The following MDM2 variants were observed in gnomAD, a reference collection of about 807,000 sequenced individuals.
MDM2 encodes the protein MDM2 proto-oncogene.
MDM2 carries 11 observed loss-of-function variants against 64.3 expected under a neutral mutation model. That is an observed-to-expected ratio of 0.17 (90% CI 0.11 to 0.28). The LOEUF is 0.28. MDM2 is among the 10% of genes least tolerant of loss of function. The probability of loss-of-function intolerance (pLI) is 1.00; values close to 1 mark genes in which losing one functional copy is unlikely to be tolerated. For missense variants in MDM2, 388 were observed against 577.1 expected (o/e 0.67, Z 3.36); for synonymous variants, 194 against 192.9 (o/e 1.01, Z -0.05).
chr12:68,825,255 T>C (rs1882216443), intron 7 of MDM2, among the ~76,000 whole-genome samples: 1 of 152,170 alleles, frequency 6.6e-6, no homozygotes, highest in Admixed American at 6.5e-5. Context: ...ATTTTCACCA[T>C]TATTCTTAGT....
chr12:68,815,314 T>C (rs528850909), intron 3 of MDM2, among the ~76,000 whole-genome samples: 1 of 152,266 alleles, frequency 6.6e-6, no homozygotes, highest in Non-Finnish European at 1.5e-5. Flanking sequence ...TATTGTCTGA[T>C]ATAGTTCTCA....
At chr12:68,822,433 T>G (rs1208257599) in intron 5 of MDM2, among the ~76,000 whole-genome samples, 2 of 152,006 alleles carry the variant, frequency 1.3e-5, no homozygotes, top group African/African-American at 4.8e-5. Context: ...TTATTATACT[T>G]TAAGTTTTAG....
Position 68,821,044 on chromosome 12 carries a change from C to CTTT in MDM2, c.358+689_358+691dup, listed in dbSNP as rs36054804. On this transcript the variant is annotated intron_variant, in intron 5 of 10. Transcript: ENST00000258149. ...GTTGGGAAGAGATGTACACAGTTTG[C>CTTT]TTTTTTTTTTTTTTTTTTTTTGAGA... 5.9e-4 allele frequency among the ~76,000 whole-genome samples: 61 copies of CTTT among 103,766 alleles called. 1 individual carries two copies. The highest frequency in any genetic ancestry group is 1.6e-3 in the African/African-American group (43 of 26,440). 68.1% of individuals were successfully genotyped at this position (103,766 alleles called of 152,430 possible).
chr12:68,828,054 C>G (rs960800403), intron 7 of MDM2: 2 of 152,226 alleles, frequency 1.3e-5, no homozygotes, highest in African/African-American at 4.8e-5. Flanking sequence ...TCACTTGAAC[C>G]TGGGAGGCAG....
chr12:68,825,522 G>A (rs3730577), intron 7 of MDM2, among the ~76,000 whole-genome samples: 84 of 152,176 alleles, frequency 5.5e-4, no homozygotes, highest in Admixed American at 4.4e-3. Context: ...ATGTGGTGGC[G>A]GGTGCCTGTA....
chr12:68,819,313 A>C (rs1296379815), intron 4 of MDM2, among the ~76,000 whole-genome samples: 1 of 152,210 alleles, frequency 6.6e-6, no homozygotes, highest in African/African-American at 2.4e-5. Context: ...ACATCAACGA[A>C]TACTGGGGTA....
rs1316551363 is a variant in MDM2, at chr12:68,839,976, GT to G, written c.*128del. On this transcript the variant is annotated 3_prime_UTR_variant, in exon 11 of 11. Coordinates refer to ENST00000258149, the MANE Select transcript of MDM2 (RefSeq NM_002392.6). ...AATTCACATAGATTTCTTCTCTTTA[GT>G]ATAATTGACCTACTTTGGTAGTGGA... 39 of 854,790 alleles carry G rather than the reference GT, an allele frequency of 4.6e-5. No individual in the cohort carries two copies. The Middle Eastern group carries it at 9.2e-4, about 20-fold the overall frequency. 53.0% of individuals were successfully genotyped at this position (854,790 alleles called of 1,614,324 possible). A position where few individuals can be genotyped will look rare whatever the true frequency, so the allele number is the denominator to read the frequency against.
intron 7 of MDM2, among the ~76,000 whole-genome samples, chr12:68,827,644 T>C (rs894311657): frequency 6.6e-6 from 1 of 152,248 alleles, no homozygotes; most frequent in Non-Finnish European, 1.5e-5. Flanking sequence ...TATTTTGTTA[T>C]AGGTACTTGA....
At chr12:68,811,923 T>C (rs538791706) in intron 2 of MDM2, among the ~76,000 whole-genome samples, 104 of 152,028 alleles carry the variant, frequency 6.8e-4, no homozygotes, top group African/African-American at 2.3e-3. Context: ...TTTTTGTATA[T>C]TTAATAGAGA....
intron 8 of MDM2, among the ~76,000 whole-genome samples, chr12:68,830,201 C>T (rs1250457468): frequency 1.3e-5 from 2 of 152,082 alleles, no homozygotes; most frequent in East Asian, 1.9e-4. Flanking sequence ...TGTCTCATGG[C>T]CATTATTCTG....
At chr12:68,832,932 C>G (rs1882914576) in intron 8 of MDM2, among the ~76,000 whole-genome samples, 1 of 150,694 alleles carries the variant, frequency 6.6e-6, no homozygotes, top group African/African-American at 2.4e-5. Flanking sequence ...CGAGACCATC[C>G]TGGCTAACAC....
intron 3 of MDM2, among the ~76,000 whole-genome samples, chr12:68,813,870 TG>T (rs55638159): frequency 1.1e-4 from 16 of 152,248 alleles, no homozygotes; most frequent in African/African-American, 3.6e-4. Context: ...CATTTTATGC[TG>T]TCAACCCTTT....
Position 68,816,928 on chromosome 12 carries a change from C to T in MDM2, c.291C>T (p.Phe97=), listed in dbSNP as rs750682089. 2 of 1,612,444 alleles carry T rather than the reference C, an allele frequency of 1.2e-6. No homozygotes were observed. Among genetic ancestry groups the T allele is most frequent in the Non-Finnish European group, 1.7e-6 (2 of 1,179,652 alleles). The part of the protein sequence containing the change: ...LLGDLFGVPS[F]SVKEHRKIYT... ...GAGATTTGTTTGGCGTGCCAAGCTT[C>T]TCTGTGAAAGAGCACAGGTAATTCT... The change falls in exon 4 of 11, where the codon TTC becomes TTT. Residue 97 remains phenylalanine (F), a synonymous_variant. Coordinates refer to ENST00000258149, the MANE Select transcript of MDM2 (RefSeq NM_002392.6).
intron 7 of MDM2, among the ~76,000 whole-genome samples, chr12:68,826,646 CTTAA>C (rs1565740050): frequency 1.5e-4 from 16 of 105,890 alleles, no homozygotes; most frequent in African/African-American, 2.0e-4. Context: ...GAGACTCCCT[CTTAA>C]AAAAAAAAAA....
In MDM2 at chr12:68,828,787, A is replaced by G. The variant is rs1214168369; in HGVS notation, c.540A>G (p.Glu180=). 1 of 1,613,876 alleles carries G rather than the reference A, an allele frequency of 6.2e-7. No individual in the cohort carries two copies. Among genetic ancestry groups the G allele is most frequent in the East Asian group, 2.2e-5 (1 of 44,882 alleles). The change falls in exon 8 of 11, where the codon GAA becomes GAG. Residue 180 remains glutamate (E), a synonymous_variant. Transcript: ENST00000258149. ...AISETEENSD[E]LSGERQRKRH... is the part of the protein sequence containing the mutation. ...CATATCCAGAAGAAAATTCAGATGA[A>G]TTATCTGGTGAACGACAAAGAAAAC...
Position 68,817,018 on chromosome 12 carries a change from CTT to C in MDM2, c.308+76_308+77del, listed in dbSNP as rs936385907. 8 of 1,521,898 alleles carry C rather than the reference CTT, an allele frequency of 5.3e-6. No homozygotes were observed. In the African/African-American group the frequency reaches 1.1e-4, roughly 22 times the overall value. The allele number at this position is 1,521,898 out of a possible 1,614,324, so 94.3% of individuals were successfully genotyped here. ...TTCAGTTCACCTCTACCCTCATTCA[CTT>C]TTGTCAGAGAAAAACTGTTGAAACA... On this transcript the variant is annotated intron_variant, in intron 4 of 10. Coordinates refer to ENST00000258149, the MANE Select transcript of MDM2 (RefSeq NM_002392.6).
intron 4 of MDM2, among the ~76,000 whole-genome samples, chr12:68,818,570 TATA>T (rs1165780998): frequency 2.0e-5 from 3 of 148,248 alleles, no homozygotes; most frequent in East Asian, 1.9e-4. Context: ...ATACATATAA[TATA>T]ATTATATATA....
chr12:68,820,696 AAT>A (rs1157376467), intron 5 of MDM2, among the ~76,000 whole-genome samples: 1 of 152,200 alleles, frequency 6.6e-6, no homozygotes, highest in African/African-American at 2.4e-5. Context: ...TTTGGGAAAT[AAT>A]ATTGTTACCT....
rs1289889547 is a variant in MDM2, at chr12:68,833,269, A to C, written c.685-2560A>C. The stretch of plus-strand genomic sequence containing the variant: ...TTGTTATATATATTTATATAATTAT[A>C]TATTTATATAAATATAAATATATAT... On this transcript the variant is annotated intron_variant, in intron 8 of 10. Coordinates refer to ENST00000258149, the MANE Select transcript of MDM2 (RefSeq NM_002392.6). Among the ~76,000 whole-genome samples, 48 of 88,696 alleles carry C rather than the reference A, an allele frequency of 5.4e-4. 1 individual carries two copies. Among genetic ancestry groups the C allele is most frequent in the African/African-American group, 1.6e-3 (48 of 29,200 alleles). The allele number at this position is 88,696 out of a possible 152,430, so 58.2% of individuals were successfully genotyped here. A position where few individuals can be genotyped will look rare whatever the true frequency, so the allele number is the denominator to read the frequency against.
Sources: gnomAD v4.1 joint callset for allele counts (sites outside exome capture counted in the v4.1 genomes callset) on GRCh38, gnomAD v4.1.1 for gene constraint, MANE v1.5 for transcripts, NCBI Gene and HGNC (gene_info 2026-07-23, HGNC 2026-07-21) for gene names.